Variants in RFX3 observed in about 807,000 individuals in gnomAD.
The protein encoded by RFX3 is regulatory factor X3, also known as transcription factor RFX3.
In RFX3, 14 loss-of-function variants were observed where a neutral mutation model predicts 98.6. The observed-to-expected ratio is 0.14, with a 90% confidence interval of 0.09 to 0.22. The LOEUF is 0.22. Among genes scored for constraint, RFX3 ranks in the 10% least tolerant of loss-of-function variants. RFX3 has a pLI of 1.00. For missense variants in RFX3, 639 were observed against 926.9 expected, an observed-to-expected ratio of 0.69 and a Z score of 4.03; for synonymous variants, 383 against 328.4, an observed-to-expected ratio of 1.17 and a Z score of -1.80.
chr9:3,291,247 T>G (rs1009003064), intron 6 of RFX3, among the ~76,000 whole-genome samples: 3 of 151,978 alleles, frequency 2.0e-5, no homozygotes, highest in Non-Finnish European at 4.4e-5. Flanking sequence ...GGGTGGTGCC[T>G]GTAATCCGGG....
At chr9:3,493,701 ATATAT>A (rs369500576) in intron 1 of RFX3, among the ~76,000 whole-genome samples, 1,275 of 89,578 alleles carry the variant, frequency 0.014, 14 homozygotes, top group East Asian at 0.043. Context: ...AAAAAAAAAA[ATATAT>A]ATATATATAT....
chr9:3,391,809 C>T (rs1840341117), intron 2 of RFX3, among the ~76,000 whole-genome samples: 1 of 152,010 alleles, frequency 6.6e-6, no homozygotes, highest in South Asian at 2.1e-4. Flanking sequence ...AATCAGGTTC[C>T]CTCTACCAAC....
rs1817188402 is a variant in RFX3, at chr9:3,218,537, AT to A, written c.*6504del. The A allele has an allele frequency of 6.6e-6, 1 of 152,182 alleles. No individual in the cohort carries two copies. The highest frequency in any genetic ancestry group is 6.5e-5 in the Admixed American group (1 of 15,276). The allele number at this position is 152,182 out of a possible 1,614,324, so 9.4% of individuals were successfully genotyped here. A position where few individuals can be genotyped will look rare whatever the true frequency, so the allele number is the denominator to read the frequency against. On this transcript the variant is annotated 3_prime_UTR_variant, in exon 17 of 17. Coordinates refer to ENST00000617270, the MANE Select transcript of RFX3 (RefSeq NM_001282116.2). ...CAATACAAATCGCCCACAAACTATT[AT>A]TTAGCTCCTGCCAATTTTGAGAGGA...
At chr9:3,361,493 CT>C (rs1836428742) in intron 2 of RFX3, among the ~76,000 whole-genome samples, 2 of 151,752 alleles carry the variant, frequency 1.3e-5, no homozygotes, top group Non-Finnish European at 2.9e-5. Context: ...CTGAAAACAG[CT>C]TTTTCAGTCT....
At chr9:3,509,356 T>C (rs1262113870) in intron 1 of RFX3, among the ~76,000 whole-genome samples, 1 of 151,890 alleles carries the variant, frequency 6.6e-6, no homozygotes, top group Non-Finnish European at 1.5e-5. Context: ...TAAATGAATG[T>C]TTACAAAAAT....
chr9:3,345,484 A>C (rs1834355156), intron 3 of RFX3, among the ~76,000 whole-genome samples: 1 of 152,128 alleles, frequency 6.6e-6, no homozygotes, highest in Non-Finnish European at 1.5e-5. Flanking sequence ...ATATAGTAAG[A>C]AAAGAAAGAA....
At chr9:3,428,935 G>A (rs936641659) in intron 1 of RFX3, among the ~76,000 whole-genome samples, 6 of 151,790 alleles carry the variant, frequency 4.0e-5, no homozygotes, top group African/African-American at 1.5e-4. Context: ...TAGGCACAGT[G>A]CCAAGGGCCC....
intron 3 of RFX3, among the ~76,000 whole-genome samples, chr9:3,330,880 A>T (rs1188727372): frequency 6.6e-6 from 1 of 152,166 alleles, no homozygotes; most frequent in African/African-American, 2.4e-5. Flanking sequence ...TGGAACCTGG[A>T]ATAAGTAGGA....
At chr9:3,405,547 C>T (rs974259407) in intron 1 of RFX3, among the ~76,000 whole-genome samples, 1 of 152,164 alleles carries the variant, frequency 6.6e-6, no homozygotes, top group Non-Finnish European at 1.5e-5. Context: ...GGGGAATACA[C>T]AGTCTGCCCT....
In RFX3 at chr9:3,263,066, A is replaced by G; in HGVS notation, c.1474T>C (p.Phe492Leu). The change falls in exon 13 of 17, where the codon TTT becomes CTT. Residue 492 changes from phenylalanine to leucine, a missense_variant. Phe to Leu is a conservative substitution (Grantham distance 22, BLOSUM62 0). This residue lies in a region of RFX3 where 138 missense variants were observed against 308.9 expected (regional missense o/e 0.45). Transcript: ENST00000617270. ...IQTKVAAVSA[F>L]AQTLRRYTSL... Reference sequence around the variant, plus strand: ...GTGTATCTTCGCAGAGTCTGGGCAAAGGCACTTACAGCGGCAACCTGTAAC... The same window carrying G: ...GTGTATCTTCGCAGAGTCTGGGCAAGGGCACTTACAGCGGCAACCTGTAAC... 6.2e-7 allele frequency: 1 copy of G among 1,613,676 alleles called. No homozygotes were observed. The highest frequency in any genetic ancestry group is 8.5e-7 in the Non-Finnish European group (1 of 1,179,690).
chr9:3,281,079 C>G (rs1825861295), intron 7 of RFX3, among the ~76,000 whole-genome samples: 1 of 151,626 alleles, frequency 6.6e-6, no homozygotes, highest in Non-Finnish European at 1.5e-5. Context: ...ATTTATTGAG[C>G]ACATACTGTA....
chr9:3,284,748 C>G (rs1826352017), intron 7 of RFX3, among the ~76,000 whole-genome samples: 1 of 151,794 alleles, frequency 6.6e-6, no homozygotes, highest in South Asian at 2.1e-4. Flanking sequence ...TAGTTCATGA[C>G]TGCCTGTGAA....
Position 3,221,864 on chromosome 9 carries a change from T to C in RFX3, c.*3178A>G, listed in dbSNP as rs1275699556. The C allele has an allele frequency of 6.6e-6, 1 of 152,180 alleles. No homozygotes were observed. The highest frequency in any genetic ancestry group is 1.5e-5 in the Non-Finnish European group (1 of 68,006). 9.4% of individuals were successfully genotyped at this position (152,180 alleles called of 1,614,324 possible). ...CAACATACCTTCCTTACATTCTTCC[T>C]CACTGAAAGTGTAGGACTTGGTTTA... On this transcript the variant is annotated 3_prime_UTR_variant, in exon 17 of 17. Coordinates refer to ENST00000617270, the MANE Select transcript of RFX3 (RefSeq NM_001282116.2).
At chr9:3,363,968 C>T (rs766767319) in intron 2 of RFX3, among the ~76,000 whole-genome samples, 1 of 152,218 alleles carries the variant, frequency 6.6e-6, no homozygotes, top group African/African-American at 2.4e-5. Context: ...CTCCGCCTCC[C>T]GGATTCAAGC....
At chr9:3,463,744 G>T (rs1228161249) in intron 1 of RFX3, among the ~76,000 whole-genome samples, 1 of 152,136 alleles carries the variant, frequency 6.6e-6, no homozygotes, top group Non-Finnish European at 1.5e-5. Flanking sequence ...GCCATGGCAG[G>T]AGGATCGTTT....
intron 12 of RFX3, among the ~76,000 whole-genome samples, chr9:3,265,508 G>A (rs1329677003): frequency 6.6e-6 from 1 of 152,132 alleles, no homozygotes; most frequent in Non-Finnish European, 1.5e-5. Flanking sequence ...TCATTGACAA[G>A]AAGTCACAAA....
intron 1 of RFX3, among the ~76,000 whole-genome samples, chr9:3,441,554 T>G (rs1442317956): frequency 6.6e-6 from 1 of 151,868 alleles, no homozygotes; most frequent in East Asian, 1.9e-4. Context: ...TATCAAAAAA[T>G]AAAATGTGCT....
At chr9:3,417,040 T>C (rs866743530) in intron 1 of RFX3, among the ~76,000 whole-genome samples, 3 of 151,784 alleles carry the variant, frequency 2.0e-5, no homozygotes, top group African/African-American at 7.3e-5. Flanking sequence ...ATATAAAATA[T>C]ATATAATGCT....
chr9:3,419,323 C>T (rs1039196297), intron 1 of RFX3, among the ~76,000 whole-genome samples: 2 of 152,074 alleles, frequency 1.3e-5, no homozygotes, highest in African/African-American at 2.4e-5. Context: ...ATCAAAAGGA[C>T]AAGTTTTTAT....
Sources: allele counts gnomAD v4.1 joint callset (sites outside exome capture counted in the v4.1 genomes callset), GRCh38; gene constraint gnomAD v4.1.1; regional missense constraint gnomAD v4.1.1; transcripts MANE v1.5; gene names NCBI Gene and HGNC (gene_info 2026-07-23, HGNC 2026-07-21).